The following NXN variants were observed in gnomAD, a reference collection of about 807,000 sequenced individuals.
NXN encodes the protein nucleoredoxin 1.
In NXN, 16 loss-of-function variants were observed where a neutral mutation model predicts 48.6. That is an observed-to-expected ratio of 0.33 (90% CI 0.22 to 0.50). The LOEUF is 0.50. Ranked by LOEUF, NXN falls within the 20% of genes least tolerant of loss-of-function variation. The probability of loss-of-function intolerance (pLI) is 0.98; values close to 1 mark genes in which losing one functional copy is unlikely to be tolerated. For missense variants in NXN, 492 were observed against 605.5 expected, an observed-to-expected ratio of 0.81 and a Z score of 1.97; for synonymous variants, 281 against 269.6, an observed-to-expected ratio of 1.04 and a Z score of -0.41.
chr17:902,993 A>T (rs140569072), intron 1 of NXN, among the ~76,000 whole-genome samples: 8,140 of 150,826 alleles, frequency 0.054, 322 homozygotes, highest in African/African-American at 0.12. Flanking sequence ...TTGGTCTCGA[A>T]CTCCCGAACT....
intron 1 of NXN, among the ~76,000 whole-genome samples, chr17:955,162 C>CTTT (rs749641262): frequency 2.4e-5 from 3 of 125,176 alleles, no homozygotes; most frequent in East Asian, 2.3e-4. Flanking sequence ...TCATCTCTTT[C>CTTT]TTTTTTTTTT....
chr17:814,131 G>A (rs1468438367), intron 5 of NXN, among the ~76,000 whole-genome samples: 1 of 148,488 alleles, frequency 6.7e-6, no homozygotes, highest in Admixed American at 6.7e-5. Flanking sequence ...GTGTGGTGGT[G>A]GGTGCCTATA....
At chr17:801,261 C>T in intron 7 of NXN, 130 bp from the exon 8 acceptor site, 1 of 603,128 alleles carries the variant, frequency 1.7e-6, no homozygotes, top group South Asian at 6.0e-5. Flanking sequence ...AAGCAGAGGG[C>T]TCCCAGCCTG....
chr17:812,006 C>CA (rs1373298010), intron 5 of NXN, among the ~76,000 whole-genome samples: 6 of 139,568 alleles, frequency 4.3e-5, no homozygotes, highest in Non-Finnish European at 1.5e-5. Flanking sequence ...CGGCTCACTG[C>CA]AAGCTCCGTC....
At chr17:899,299 C>T (rs1366436448) in intron 1 of NXN, among the ~76,000 whole-genome samples, 2 of 152,140 alleles carry the variant, frequency 1.3e-5, no homozygotes, top group African/African-American at 4.8e-5. Context: ...ATTAATAGTA[C>T]TATAACTGTC....
intron 1 of NXN, among the ~76,000 whole-genome samples, chr17:871,175 A>G (rs1298841268): frequency 6.6e-6 from 1 of 151,586 alleles, no homozygotes; most frequent in East Asian, 2.0e-4. Flanking sequence ...TTTTATTTTA[A>G]GCACGGTGAT....
Position 978,408 on chromosome 17 carries a change from G to C in NXN, c.360+911C>G, listed in dbSNP as rs1265269911. 1 of 151,416 alleles carries C rather than the reference G, an allele frequency of 6.6e-6. No individual in the cohort carries two copies. Among genetic ancestry groups the C allele is most frequent in the Non-Finnish European group, 1.5e-5 (1 of 67,956 alleles). 9.4% of individuals were successfully genotyped at this position (151,416 alleles called of 1,614,324 possible). On this transcript the variant is annotated intron_variant, in intron 1 of 7. Transcript: ENST00000336868. This position sits in a 1 kb window ranked among gnomAD's most constrained non-coding sequence, Gnocchi z 4.1. ...AACTCGGCAGCAAACTGGGAGACAC[G>C]AGAAGTTGACAGCAAAGTATCCATT...
chr17:841,508 CGGGCGAGCAGGT>C lies in NXN; in HGVS notation c.361-15442_361-15431del, dbSNP rs1914248981. On this transcript the variant is annotated intron_variant, in intron 1 of 7. Transcript: ENST00000336868. ...CCCCCTGACCACGGCGCATCTCACA[CGGGCGAGCAGGT>C]CCCCCCGACCATGGAGCATCTCACG... 9.9e-4 allele frequency among the ~76,000 whole-genome samples: 132 copies of C among 134,000 alleles called. 1 individual carries two copies. Among genetic ancestry groups the C allele is most frequent in the Middle Eastern group, 4.0e-3 (1 of 250 alleles). 87.9% of individuals were successfully genotyped at this position (134,000 alleles called of 152,430 possible).
At chr17:886,356 G>A (rs953044427) in intron 1 of NXN, among the ~76,000 whole-genome samples, 2 of 152,162 alleles carry the variant, frequency 1.3e-5, no homozygotes, top group African/African-American at 2.4e-5. Context: ...AAAGGGTTTT[G>A]CTCTTACCGA....
intron 1 of NXN, among the ~76,000 whole-genome samples, chr17:953,541 G>A (rs766792267): frequency 2.6e-5 from 4 of 152,096 alleles, no homozygotes; most frequent in Admixed American, 6.6e-5. Context: ...ACTTCCTCGC[G>A]CCCAGCATAA....
chr17:945,575 G>A (rs1260760915), intron 1 of NXN, among the ~76,000 whole-genome samples: 43 of 148,418 alleles, frequency 2.9e-4, no homozygotes, highest in Non-Finnish European at 4.4e-5. Flanking sequence ...AGCTTGCCGT[G>A]AGCCGAGATC....
At chr17:970,417 G>A (rs1382977303) in intron 1 of NXN, among the ~76,000 whole-genome samples, 2 of 151,678 alleles carry the variant, frequency 1.3e-5, no homozygotes, top group East Asian at 1.9e-4. Context: ...CTTCACTGGA[G>A]GAACTAAAAA....
intron 5 of NXN, among the ~76,000 whole-genome samples, chr17:814,818 T>C (rs1324556685): frequency 3.3e-5 from 5 of 151,860 alleles, no homozygotes; most frequent in African/African-American, 7.2e-5. Context: ...CAGGCTGGAG[T>C]GCAGTGGTGT....
At chr17:833,361 C>A (rs527615376) in intron 1 of NXN, among the ~76,000 whole-genome samples, 1 of 152,074 alleles carries the variant, frequency 6.6e-6, no homozygotes, top group Non-Finnish European at 1.5e-5. Flanking sequence ...GAAAAACACA[C>A]GAATCAGAAG....
chr17:805,392 G>T, intron 5 of NXN, 145 bp from the exon 6 acceptor site: 1 of 876,648 alleles, frequency 1.1e-6, no homozygotes, highest in Non-Finnish European at 1.7e-6. Flanking sequence ...GAAGAGGCCA[G>T]GTCTAAAGTC....
At chr17:801,423 CATTTTAGA>C (rs1332220745) in intron 7 of NXN, among the ~76,000 whole-genome samples, 2 of 146,426 alleles carry the variant, frequency 1.4e-5, no homozygotes, top group Non-Finnish European at 3.0e-5. Flanking sequence ...ACGTCCTCAG[CATTTTAGA>C]AATGTCACAT....
intron 5 of NXN, among the ~76,000 whole-genome samples, chr17:808,972 C>T (rs984002744): frequency 2.0e-5 from 3 of 152,196 alleles, no homozygotes; most frequent in African/African-American, 7.2e-5. Context: ...GCACCGCACC[C>T]AGCCATTATA....
At chr17:895,637 C>T (rs867729921) in intron 1 of NXN, among the ~76,000 whole-genome samples, 14 of 114,876 alleles carry the variant, frequency 1.2e-4, no homozygotes, top group Non-Finnish European at 2.2e-4. Flanking sequence ...ACGGTGAAAC[C>T]CCGTCTCTAC....
At chr17:953,502 C>T (rs1387106447) in intron 1 of NXN, among the ~76,000 whole-genome samples, 1 of 152,208 alleles carries the variant, frequency 6.6e-6, no homozygotes, top group Admixed American at 6.5e-5. Flanking sequence ...TGAGGACGAA[C>T]TCTAAGGAAC....
Sources: allele counts gnomAD v4.1 joint callset (sites outside exome capture counted in the v4.1 genomes callset), GRCh38; gene constraint gnomAD v4.1.1; non-coding constraint Gnocchi (gnomAD v3.1); transcripts MANE v1.5; gene names NCBI Gene and HGNC (gene_info 2026-07-23, HGNC 2026-07-21).